Variants in DENND1A observed in about 807,000 individuals in gnomAD.
DENND1A encodes DENN domain containing 1A.
In DENND1A, 51 loss-of-function variants were observed where a neutral mutation model predicts 113.7. That is an observed-to-expected ratio of 0.45 (90% CI 0.36 to 0.57). The LOEUF (loss-of-function observed/expected upper bound fraction) is 0.57, where lower values mean the gene tolerates loss of function less well. DENND1A is among the 20% of genes least tolerant of loss of function. DENND1A has a pLI of 0.00. For synonymous variants in DENND1A, 565 were observed against 570.8 expected, an observed-to-expected ratio of 0.99 and a Z score of 0.14; for missense variants, 1,258 against 1,395.9, an observed-to-expected ratio of 0.90 and a Z score of 1.57.
chr9:123,414,355 C>T (rs150930038), intron 19 of DENND1A: 18 of 1,419,834 alleles, frequency 1.3e-5, no homozygotes, highest in South Asian at 1.6e-5. Flanking sequence ...GCCTCTCCCC[C>T]TCCCAGTCCA....
intron 13 of DENND1A, among the ~76,000 whole-genome samples, chr9:123,496,751 A>T (rs1355420660): frequency 2.0e-5 from 3 of 152,224 alleles, no homozygotes; most frequent in African/African-American, 7.2e-5. Context: ...TTTAATTAGA[A>T]GCTGCTATTG....
intron 1 of DENND1A, among the ~76,000 whole-genome samples, chr9:123,900,637 T>C (rs1044745594): frequency 4.6e-5 from 7 of 152,170 alleles, no homozygotes; most frequent in African/African-American, 1.7e-4. Context: ...GAAGACAAAA[T>C]ACACTTAGAA....
intron 22 of DENND1A, among the ~76,000 whole-genome samples, chr9:123,386,381 CTT>C (rs34797849): frequency 9.6e-5 from 13 of 135,166 alleles, no homozygotes; most frequent in Admixed American, 2.3e-4. Flanking sequence ...TCTTTTCTTT[CTT>C]TTTTTTTTTT....
chr9:123,435,142 C>T (rs1456187308), intron 19 of DENND1A, among the ~76,000 whole-genome samples: 2 of 152,030 alleles, frequency 1.3e-5, no homozygotes, highest in Admixed American at 6.5e-5. Flanking sequence ...ATCCTGAGAA[C>T]ATGGGAGCAC....
At chr9:123,886,619 TC>T (rs1849136881) in intron 1 of DENND1A, among the ~76,000 whole-genome samples, 1 of 152,194 alleles carries the variant, frequency 6.6e-6, no homozygotes, top group South Asian at 2.1e-4. Context: ...AAACATTGAG[TC>T]CTTTAAGCTA....
At chr9:123,913,176 C>G (rs1454312990) in intron 1 of DENND1A, among the ~76,000 whole-genome samples, 1 of 144,428 alleles carries the variant, frequency 6.9e-6, no homozygotes, top group Admixed American at 6.9e-5. Context: ...CAACCTAGAA[C>G]TCCATGCCCA....
intron 5 of DENND1A, among the ~76,000 whole-genome samples, chr9:123,747,502 G>C (rs2069615364): frequency 6.6e-6 from 1 of 152,096 alleles, no homozygotes; most frequent in Admixed American, 6.5e-5. Flanking sequence ...TTGAGCTAAA[G>C]CACAACAATT....
chr9:123,889,612 T>C (rs969018168), intron 1 of DENND1A, among the ~76,000 whole-genome samples: 5 of 152,178 alleles, frequency 3.3e-5, no homozygotes, highest in Non-Finnish European at 7.4e-5. Flanking sequence ...ATTCTCATTT[T>C]ACCAAAACTG....
At position 123,452,306 on chromosome 9, in the gene DENND1A, T is replaced by G. The variant is rs2047780420; in HGVS notation, c.1269A>C (p.Ala423=). Residue 423 remains alanine, a synonymous_variant, in exon 17 of 24, where the codon GCA becomes GCC. Transcript: ENST00000394215. ...TGTAGACAGTCTTCATGGCCGGATT[T>G]GCTTTGGTCTTTACAGTATTCAGAA... ...GAILNTVKTK[A]NPAMKTVYKF... is the part of the protein sequence containing the mutation. The G allele has an allele frequency of 1.9e-6, 3 of 1,614,286 alleles. No individual in the cohort carries two copies. Among genetic ancestry groups the G allele is most frequent in the South Asian group, 2.2e-5 (2 of 91,086 alleles).
chr9:123,602,977 C>T (rs2059998159), intron 11 of DENND1A, among the ~76,000 whole-genome samples: 2 of 152,228 alleles, frequency 1.3e-5, no homozygotes, highest in South Asian at 4.1e-4. Flanking sequence ...TGTGAGGACA[C>T]ATATACAAGT....
chr9:123,664,830 T>C (rs1184978374), intron 8 of DENND1A, among the ~76,000 whole-genome samples: 1 of 152,234 alleles, frequency 6.6e-6, no homozygotes, highest in Non-Finnish European at 1.5e-5. Context: ...TGTGATTTAG[T>C]ACATGATCAG....
At chr9:123,899,023 A>T (rs1474147840) in intron 1 of DENND1A, among the ~76,000 whole-genome samples, 1 of 152,198 alleles carries the variant, frequency 6.6e-6, no homozygotes, top group Non-Finnish European at 1.5e-5. Flanking sequence ...TACAAGGCTT[A>T]ACTTTGTCTC....
chr9:123,661,408 T>C (rs191583029), intron 8 of DENND1A, among the ~76,000 whole-genome samples: 3 of 152,292 alleles, frequency 2.0e-5, no homozygotes, highest in Admixed American at 1.3e-4. Context: ...AACGAAGGTA[T>C]ACATATTAGA....
At chr9:123,922,283 T>C (rs1234575666) in intron 1 of DENND1A, among the ~76,000 whole-genome samples, 1 of 152,178 alleles carries the variant, frequency 6.6e-6, no homozygotes, top group African/African-American at 2.4e-5. Context: ...GACCTTGATC[T>C]TCAGCAGTAA....
intron 2 of DENND1A, among the ~76,000 whole-genome samples, chr9:123,851,479 A>C (rs2133146860): frequency 6.6e-6 from 1 of 152,326 alleles, no homozygotes; most frequent in South Asian, 2.1e-4. Context: ...TAAAGATCAA[A>C]TCCAGGGTAC....
intron 1 of DENND1A, among the ~76,000 whole-genome samples, chr9:123,917,659 T>C (rs1033159368): frequency 6.6e-6 from 1 of 151,926 alleles, no homozygotes; most frequent in Non-Finnish European, 1.5e-5. Flanking sequence ...ACCCACCCCA[T>C]CCCCAAAAGT....
chr9:123,811,800 CAA>C (rs1836664778), intron 2 of DENND1A, among the ~76,000 whole-genome samples: 1 of 152,052 alleles, frequency 6.6e-6, no homozygotes, highest in Non-Finnish European at 1.5e-5. Context: ...GCCTCTTTGC[CAA>C]ACATCCATCA....
chr9:123,453,071 A>G (rs1000928328), intron 16 of DENND1A, among the ~76,000 whole-genome samples: 4 of 152,200 alleles, frequency 2.6e-5, no homozygotes, highest in Non-Finnish European at 5.9e-5. Context: ...CCTGAAGTGC[A>G]CAGGGCACGT....
At chr9:123,928,369 T>A (rs1857452897) in intron 1 of DENND1A, among the ~76,000 whole-genome samples, 1 of 152,236 alleles carries the variant, frequency 6.6e-6, no homozygotes, top group Non-Finnish European at 1.5e-5. Flanking sequence ...CTAAGTTGGC[T>A]TCTGGAAAGT....
Sources: allele counts gnomAD v4.1 joint callset (sites outside exome capture counted in the v4.1 genomes callset), GRCh38; gene constraint gnomAD v4.1.1; transcripts MANE v1.5; gene names NCBI Gene and HGNC (gene_info 2026-07-23, HGNC 2026-07-21).